Variants in SV2C observed in about 807,000 individuals in gnomAD.
The protein encoded by SV2C is synaptic vesicle glycoprotein 2C.
In SV2C, 49 loss-of-function variants were observed where a neutral mutation model predicts 79.7. The observed-to-expected ratio is 0.61, with a 90% CI of 0.49 to 0.78. The LOEUF is 0.78. SV2C is among the 30% of genes least tolerant of loss of function. The pLI, the probability that SV2C is intolerant of heterozygous loss-of-function variation, is 0.00. For missense variants in SV2C, 833 were observed against 912.9 expected, an observed-to-expected ratio of 0.91 and a Z score of 1.13; for synonymous variants, 334 against 333.2, an observed-to-expected ratio of 1.00 and a Z score of -0.03.
the SV2C span, among the ~76,000 whole-genome samples, chr5:75,894,335 G>T: frequency 3.9e-5 from 6 of 152,180 alleles, no homozygotes; most frequent in Admixed American, 2.6e-4. Context: ...CCAGAGAGTG[G>T]TTTTTACAAG....
At chr5:75,964,613 C>T in the SV2C span, among the ~76,000 whole-genome samples, 1 of 152,134 alleles carries the variant, frequency 6.6e-6, no homozygotes, top group Non-Finnish European at 1.5e-5. Flanking sequence ...GATCTCTGGG[C>T]ATCCCCCTCC....
chr5:76,138,701 C>T (rs527880056), intron 2 of SV2C, among the ~76,000 whole-genome samples: 5 of 152,226 alleles, frequency 3.3e-5, no homozygotes, highest in Non-Finnish European at 2.9e-5. Flanking sequence ...ATCCTCCTGC[C>T]CAGATCAGTG....
the SV2C span, among the ~76,000 whole-genome samples, chr5:75,965,278 A>C: frequency 6.6e-6 from 1 of 152,190 alleles, no homozygotes; most frequent in Non-Finnish European, 1.5e-5. Flanking sequence ...ACTCATTAAC[A>C]ATAGTTCTTG....
intron 2 of SV2C, chr5:76,173,964 T>G: frequency 6.4e-7 from 1 of 1,561,970 alleles, no homozygotes. Context: ...CCTTGTCCAT[T>G]TTTCATGTAT....
intron 4 of SV2C, among the ~76,000 whole-genome samples, chr5:76,262,250 G>A (rs758228836): frequency 2.0e-5 from 3 of 152,090 alleles, no homozygotes; most frequent in Non-Finnish European, 2.9e-5. Flanking sequence ...TTCTCTGATG[G>A]TAGTTTGTAT....
chr5:76,017,278 A>G, the SV2C span, among the ~76,000 whole-genome samples: 1 of 152,084 alleles, frequency 6.6e-6, no homozygotes, highest in African/African-American at 2.4e-5. Flanking sequence ...GTGGTCTATC[A>G]CTGAAGTGTT....
At chr5:76,264,454 T>C (rs1224060366) in intron 4 of SV2C, among the ~76,000 whole-genome samples, 1 of 152,124 alleles carries the variant, frequency 6.6e-6, no homozygotes, top group Non-Finnish European at 1.5e-5. Context: ...AAACTCATTG[T>C]CTATCCAGTT....
In SV2C at chr5:76,332,335, C is replaced by G. The variant is rs931372191; in HGVS notation, c.*6788C>G. The stretch of plus-strand genomic sequence containing the variant: ...TGGTGCCTGGGGAGTGACTAGGCAG[C>G]CTGCTCACAGGGGCTGGAGTCATCT... On this transcript the variant is annotated 3_prime_UTR_variant, in exon 13 of 13. Coordinates refer to ENST00000502798, the MANE Select transcript of SV2C (RefSeq NM_014979.4). The G allele has an allele frequency of 6.6e-6, 1 of 152,130 alleles. No individual in the cohort carries two copies. The highest frequency in any genetic ancestry group is 1.5e-5 in the Non-Finnish European group (1 of 68,038). 9.4% of individuals were successfully genotyped at this position (152,130 alleles called of 1,614,324 possible).
At chr5:76,148,253 C>T (rs918887554) in intron 2 of SV2C, among the ~76,000 whole-genome samples, 22 of 151,980 alleles carry the variant, frequency 1.4e-4, no homozygotes, top group African/African-American at 5.3e-4. Flanking sequence ...GCAAACAGGG[C>T]CAGTGCTCAA....
At chr5:76,139,602 A>C (rs1040529109) in intron 2 of SV2C, among the ~76,000 whole-genome samples, 14 of 152,186 alleles carry the variant, frequency 9.2e-5, no homozygotes, top group African/African-American at 3.4e-4. Flanking sequence ...TTCTGAACAT[A>C]TAAGACTGAG....
the SV2C span, among the ~76,000 whole-genome samples, chr5:75,953,406 T>G: frequency 1.3e-5 from 2 of 151,988 alleles, no homozygotes; most frequent in Non-Finnish European, 2.9e-5. Flanking sequence ...ACTTCATATA[T>G]CAAAAATACC....
chr5:76,336,031 G>T (rs1476001640), downstream of SV2C, among the ~76,000 whole-genome samples: 3 of 145,512 alleles, frequency 2.1e-5, no homozygotes, highest in African/African-American at 7.6e-5. Context: ...CCCGGAGGGG[G>T]CGGCTAGCCG....
At chr5:76,209,278 G>A (rs573358073) in intron 3 of SV2C, among the ~76,000 whole-genome samples, 1 of 152,300 alleles carries the variant, frequency 6.6e-6, no homozygotes, top group Admixed American at 6.5e-5. Context: ...ACAGATTGCA[G>A]ACAGTACCCT....
At chr5:76,016,254 T>A in the SV2C span, among the ~76,000 whole-genome samples, 63 of 90,350 alleles carry the variant, frequency 7.0e-4, no homozygotes, top group African/African-American at 9.2e-4. Context: ...TTTAATTTTC[T>A]AAAAAAAAAA....
chr5:76,095,503 A>T (rs1378308111), intron 1 of SV2C, among the ~76,000 whole-genome samples: 1 of 152,070 alleles, frequency 6.6e-6, no homozygotes. Flanking sequence ...TTTATCTTGT[A>T]GACTCTGTGA....
At chr5:76,060,911 G>T in the SV2C span, among the ~76,000 whole-genome samples, 2 of 151,936 alleles carry the variant, frequency 1.3e-5, no homozygotes, top group Non-Finnish European at 2.9e-5. Flanking sequence ...ACATTTAGAG[G>T]CCACTGTAGG....
At chr5:75,894,772 C>A in the SV2C span, among the ~76,000 whole-genome samples, 1 of 151,886 alleles carries the variant, frequency 6.6e-6, no homozygotes, top group African/African-American at 2.4e-5. Context: ...TGACCAAAAG[C>A]CATTTTAAAA....
chr5:76,289,087 A>G (rs1747456934), intron 6 of SV2C, among the ~76,000 whole-genome samples: 1 of 151,960 alleles, frequency 6.6e-6, no homozygotes, highest in South Asian at 2.1e-4. Flanking sequence ...AGGTCTCCTT[A>G]TGTTGTCCAG....
chr5:76,280,471 G>T (rs955431296), intron 4 of SV2C, among the ~76,000 whole-genome samples: 1 of 152,276 alleles, frequency 6.6e-6, no homozygotes, highest in East Asian at 1.9e-4. Context: ...GCTGAAAACC[G>T]CCCGACTGGA....
Sources: allele counts gnomAD v4.1 joint callset (sites outside exome capture counted in the v4.1 genomes callset), GRCh38; gene constraint gnomAD v4.1.1; transcripts MANE v1.5; gene names NCBI Gene and HGNC (gene_info 2026-07-23, HGNC 2026-07-21).